SNX29: variants seen among roughly 807,000 people sequenced by gnomAD.
The protein encoded by SNX29 is sorting nexin 29.
In SNX29, 78 loss-of-function variants were observed where a neutral mutation model predicts 102.1. That is an observed-to-expected ratio of 0.76 (90% confidence interval 0.64 to 0.92). The LOEUF (loss-of-function observed/expected upper bound fraction) is 0.92, where lower values mean the gene tolerates loss of function less well. SNX29 is among the 40% of genes least tolerant of loss of function. The pLI is 0.00. For synonymous variants in SNX29, 580 were observed against 414.5 expected (o/e 1.40, Z -4.85); for missense variants, 1,280 against 1,061.7 (o/e 1.21, Z -2.86).
At chr16:11,993,025 C>A (rs1227275483) in intron 1 of SNX29, among the ~76,000 whole-genome samples, 1 of 151,796 alleles carries the variant, frequency 6.6e-6, no homozygotes, top group Non-Finnish European at 1.5e-5. Flanking sequence ...ATTAGCCAAG[C>A]GTGGTGGTGG....
intron 18 of SNX29, among the ~76,000 whole-genome samples, chr16:12,454,804 C>T (rs2086465038): frequency 6.6e-6 from 1 of 152,180 alleles, no homozygotes; most frequent in South Asian, 2.1e-4. Context: ...ACTGCAACCT[C>T]TGCCTCCCAG....
At chr16:12,462,687 G>A (rs2086860672) in intron 18 of SNX29, among the ~76,000 whole-genome samples, 1 of 152,260 alleles carries the variant, frequency 6.6e-6, no homozygotes, top group East Asian at 1.9e-4. Flanking sequence ...CAAGGGTCCA[G>A]CTTCTATTCC....
chr16:12,461,146 A>G (rs1413822416), intron 18 of SNX29, among the ~76,000 whole-genome samples: 1 of 152,230 alleles, frequency 6.6e-6, no homozygotes, highest in African/African-American at 2.4e-5. Context: ...AACTAATGAG[A>G]ATATGAAATC....
chr16:12,304,174 G>GTT lies in SNX29; in HGVS notation c.1782+26143_1782+26144dup, dbSNP rs760514032. On this transcript the variant is annotated intron_variant, in intron 15 of 20. Coordinates refer to ENST00000566228, the MANE Select transcript of SNX29 (RefSeq NM_032167.5). ...TTTGGAGGCTGTGAATCCTATCACT[G>GTT]TTTTTTGTTTTTTTTTTTTGCCTTG... Among the ~76,000 whole-genome samples the GTT allele has an allele frequency of 3.0e-3, 436 of 147,150 alleles. 3 individuals carry two copies. The highest frequency in any genetic ancestry group is 9.8e-3 in the African/African-American group (373 of 37,942).
chr16:12,400,755 T>G (rs2083907267), intron 17 of SNX29, among the ~76,000 whole-genome samples: 1 of 152,148 alleles, frequency 6.6e-6, no homozygotes, highest in African/African-American at 2.4e-5. Context: ...ATGTAAAAAA[T>G]CAACAGAAAT....
At position 12,003,059 on chromosome 16, in the gene SNX29, C is replaced by T. The variant is rs370337051; in HGVS notation, c.122+16C>T. 3.1e-6 allele frequency: 5 copies of T among 1,613,916 alleles called. No individual in the cohort carries two copies. Among genetic ancestry groups the T allele is most frequent in the Non-Finnish European group, 4.2e-6 (5 of 1,179,988 alleles). On this transcript the variant is annotated intron_variant, in intron 3 of 20. Transcript: ENST00000566228. ...CCGACAGCAGGTAAATATGTCACTTCTAAAACCGTTGACCATCGAGGTTGG... is the reference window on the plus strand; with the variant it reads ...CCGACAGCAGGTAAATATGTCACTTTTAAAACCGTTGACCATCGAGGTTGG...
intron 14 of SNX29, among the ~76,000 whole-genome samples, chr16:12,242,031 G>A (rs1448185253): frequency 2.0e-5 from 3 of 152,194 alleles, no homozygotes; most frequent in Middle Eastern, 3.4e-3. Flanking sequence ...GAGTGGCCAG[G>A]CCCAAGTCAC....
chr16:12,315,910 T>G (rs2080717484), intron 15 of SNX29, among the ~76,000 whole-genome samples: 1 of 152,176 alleles, frequency 6.6e-6, no homozygotes, highest in Non-Finnish European at 1.5e-5. Context: ...GGGCTGGAGA[T>G]GTAATGGGGT....
In SNX29 at chr16:12,538,291, T is replaced by G. The variant is rs553524028; in HGVS notation, c.2318+13450T>G. 9.2e-5 allele frequency among the ~76,000 whole-genome samples: 14 copies of G among 152,254 alleles called. 1 individual carries two copies. Among genetic ancestry groups the G allele is most frequent in the Admixed American group, 9.2e-4 (14 of 15,294 alleles). Reference sequence around the variant, plus strand: ...CCACCACACCTGGCTAATTTTGTATTTTTGTTTTTTAGTAGAGAGGGGGTT... The same window carrying G: ...CCACCACACCTGGCTAATTTTGTATGTTTGTTTTTTAGTAGAGAGGGGGTT... On this transcript the variant is annotated intron_variant, in intron 20 of 20. Coordinates refer to ENST00000566228, the MANE Select transcript of SNX29 (RefSeq NM_032167.5).
chr16:12,095,018 C>G (rs2052710851), intron 11 of SNX29: 1 of 152,104 alleles, frequency 6.6e-6, no homozygotes, highest in Non-Finnish European at 1.5e-5. Flanking sequence ...TGCCATCACT[C>G]CTGCAATGAA....
chr16:12,443,028 T>A (rs1254372647), intron 18 of SNX29: 2 of 456,068 alleles, frequency 4.4e-6, no homozygotes, highest in Non-Finnish European at 8.8e-6. Context: ...TCTTAGTCTG[T>A]GGGCCGTATG....
chr16:12,131,008 A>G (rs565802383), intron 13 of SNX29, among the ~76,000 whole-genome samples: 7 of 152,230 alleles, frequency 4.6e-5, no homozygotes, highest in Admixed American at 4.6e-4. Context: ...TATATTTTGG[A>G]AATATTCCTG....
intron 20 of SNX29, among the ~76,000 whole-genome samples, chr16:12,563,237 C>T (rs530243773): frequency 6.6e-6 from 1 of 152,234 alleles, no homozygotes; most frequent in Non-Finnish European, 1.5e-5. Flanking sequence ...GTGGCCTCCC[C>T]ATCATCACTG....
intron 1 of SNX29, chr16:11,983,786 A>G (rs745931149): frequency 1.6e-5 from 13 of 813,754 alleles, no homozygotes; most frequent in Non-Finnish European, 1.9e-5. Context: ...GATTTCTCCA[A>G]ATTGTGGCAA....
chr16:12,228,729 C>T (rs1402555247), intron 14 of SNX29, among the ~76,000 whole-genome samples: 1 of 152,212 alleles, frequency 6.6e-6, no homozygotes, highest in South Asian at 2.1e-4. Context: ...CTGGAACAAG[C>T]CGTGTTTTTC....
chr16:12,225,480 C>T (rs987239236), intron 14 of SNX29, among the ~76,000 whole-genome samples: 1 of 152,208 alleles, frequency 6.6e-6, no homozygotes, highest in Non-Finnish European at 1.5e-5. Flanking sequence ...CACAAGCTCT[C>T]TCTCTTTGAT....
rs1044340998 is a variant in SNX29, at chr16:12,569,656, C to T, written c.*1027C>T. 1.7e-5 allele frequency: 4 copies of T among 229,482 alleles called. No homozygotes were observed. The highest frequency in any genetic ancestry group is 1.1e-4 in the Admixed American group (2 of 17,632). The allele number at this position is 229,482 out of a possible 1,614,324, so 14.2% of individuals were successfully genotyped here. On this transcript the variant is annotated 3_prime_UTR_variant, in exon 21 of 21. Transcript: ENST00000566228. ...CCCTAAGACAGAGTCCTCTGTTCCT[C>T]CCATGTCAGGTGGCTCTCAGAGTAC... is the stretch of plus-strand genomic sequence containing the variant.
intron 3 of SNX29, among the ~76,000 whole-genome samples, chr16:12,020,768 C>T (rs933216746): frequency 1.3e-5 from 2 of 151,982 alleles, no homozygotes; most frequent in Non-Finnish European, 2.9e-5. Context: ...GGATTACAGG[C>T]ACTCGCCACC....
intron 13 of SNX29, among the ~76,000 whole-genome samples, chr16:12,195,970 C>T (rs949660134): frequency 3.3e-5 from 5 of 150,190 alleles, no homozygotes; most frequent in East Asian, 2.0e-4. Context: ...CCTCATTGAG[C>T]CTCAGTTTCT....
Sources: allele counts gnomAD v4.1 joint callset (sites outside exome capture counted in the v4.1 genomes callset), GRCh38; gene constraint gnomAD v4.1.1; transcripts MANE v1.5; gene names NCBI Gene and HGNC (gene_info 2026-07-23, HGNC 2026-07-21).